Variants in BCKDHB observed in about 807,000 individuals in gnomAD.
The protein encoded by BCKDHB is 2-oxoisovalerate dehydrogenase subunit beta, mitochondrial.
A neutral mutation model predicts 48.5 loss-of-function variants in BCKDHB; 41 were observed. The ratio of observed to expected loss-of-function variants is 0.85; its 90% confidence interval spans 0.66 to 1.10. BCKDHB has a LOEUF of 1.10. Ranked by LOEUF, BCKDHB falls within the 50% of genes least tolerant of loss-of-function variation. The probability of loss-of-function intolerance (pLI) is 0.00; values close to 1 mark genes in which losing one functional copy is unlikely to be tolerated. For missense variants in BCKDHB, 496 were observed against 494.2 expected, an observed-to-expected ratio of 1.00 and a Z score of -0.03; for synonymous variants, 201 against 174.8, an observed-to-expected ratio of 1.15 and a Z score of -1.18.
At chr6:80,115,107 T>C (rs1769616956) in intron 1 of BCKDHB, among the ~76,000 whole-genome samples, 1 of 152,214 alleles carries the variant, frequency 6.6e-6, no homozygotes, top group Non-Finnish European at 1.5e-5. Flanking sequence ...ACTGGTACCT[T>C]ACAAAGGCAA....
chr6:80,408,490 C>CT, the BCKDHB span, among the ~76,000 whole-genome samples: 4 of 151,858 alleles, frequency 2.6e-5, no homozygotes, highest in African/African-American at 9.7e-5. Flanking sequence ...TGGTCCTGGA[C>CT]TTTTTTTGGT....
In BCKDHB at chr6:80,323,858, C is replaced by T. The variant is rs796524387; in HGVS notation, c.1039-19806C>T. Among the ~76,000 whole-genome samples the T allele has an allele frequency of 7.9e-5, 12 of 152,152 alleles. No homozygotes were observed. The East Asian group carries it at 1.6e-3, about 20-fold the overall frequency. On this transcript the variant is annotated intron_variant, in intron 9 of 9. Coordinates refer to ENST00000320393, the MANE Select transcript of BCKDHB (RefSeq NM_183050.4). ...CGCCATCTTGGCTCACTGCAAGCTC[C>T]GCCCCCCGGGTTCACGCCATTCTCC...
intron 6 of BCKDHB, among the ~76,000 whole-genome samples, chr6:80,187,524 C>T (rs1160010135): frequency 1.3e-5 from 2 of 151,952 alleles, no homozygotes; most frequent in African/African-American, 4.8e-5. Context: ...TCTAAAACTA[C>T]CAACAGAGTA....
intron 3 of BCKDHB, among the ~76,000 whole-genome samples, chr6:80,150,130 T>C (rs1193505321): frequency 1.3e-5 from 2 of 152,118 alleles, no homozygotes; most frequent in East Asian, 1.9e-4. Flanking sequence ...TTCCTTATGC[T>C]GCTCTGTCCC....
chr6:80,451,140 T>C, the BCKDHB span, among the ~76,000 whole-genome samples: 2 of 152,182 alleles, frequency 1.3e-5, no homozygotes, highest in Admixed American at 1.3e-4. Flanking sequence ...AAGTTTTCTT[T>C]CCCCGGTTTC....
At chr6:80,414,907 G>T in the BCKDHB span, among the ~76,000 whole-genome samples, 2 of 151,984 alleles carry the variant, frequency 1.3e-5, no homozygotes, top group South Asian at 4.2e-4. Context: ...TTTTTTCATT[G>T]GTTTGTGTCA....
At chr6:80,115,997 C>T (rs1006767742) in intron 1 of BCKDHB, among the ~76,000 whole-genome samples, 3 of 152,200 alleles carry the variant, frequency 2.0e-5, no homozygotes, top group Non-Finnish European at 4.4e-5. Context: ...CGTATTGGCA[C>T]AACCTTCACT....
rs1422130461 is a variant in BCKDHB at position 80,344,769 on chromosome 6, CAACCTTTATT to C, written c.*966_*975del. The C allele has an allele frequency of 1.3e-5, 2 of 152,150 alleles. No homozygotes were observed. The highest frequency in any genetic ancestry group is 2.9e-5 in the Non-Finnish European group (2 of 68,026). The allele number at this position is 152,150 out of a possible 1,614,324, so 9.4% of individuals were successfully genotyped here. The stretch of plus-strand genomic sequence containing the variant: ...GTACTTTATACCATTGTTTCAACTT[CAACCTTTATT>C]TTTGTATATATTTTTTCAGCTACTT... On this transcript the variant is annotated 3_prime_UTR_variant, in exon 10 of 10. Coordinates refer to ENST00000320393, the MANE Select transcript of BCKDHB (RefSeq NM_183050.4).
intron 9 of BCKDHB, among the ~76,000 whole-genome samples, chr6:80,282,245 C>T (rs1316036244): frequency 6.6e-6 from 1 of 152,014 alleles, no homozygotes; most frequent in Non-Finnish European, 1.5e-5. Flanking sequence ...AATGTAATAT[C>T]GTTTGTTACT....
At chr6:80,292,966 G>A (rs1239454932) in intron 9 of BCKDHB, among the ~76,000 whole-genome samples, 1 of 152,220 alleles carries the variant, frequency 6.6e-6, no homozygotes, top group Non-Finnish European at 1.5e-5. Context: ...AATGCAAGAG[G>A]TGGGTTCCCA....
At chr6:80,307,394 A>G in intron 9 of BCKDHB, 1 of 977,230 alleles carries the variant, frequency 1.0e-6, no homozygotes, top group Non-Finnish European at 1.2e-6. Context: ...ATATTCTAAA[A>G]TTGAACTGTA....
intron 9 of BCKDHB, among the ~76,000 whole-genome samples, chr6:80,339,226 A>C (rs1275752787): frequency 6.6e-6 from 1 of 152,220 alleles, no homozygotes; most frequent in African/African-American, 2.4e-5. Flanking sequence ...AACATATTAC[A>C]TTCATCAAAA....
At chr6:80,260,216 T>G (rs553412686) in intron 8 of BCKDHB, among the ~76,000 whole-genome samples, 202 of 151,872 alleles carry the variant, frequency 1.3e-3, no homozygotes, top group African/African-American at 4.8e-3. Context: ...ATGGTGGGTG[T>G]GTGTGTGTGT....
At chr6:80,275,493 T>C (rs907128643) in intron 9 of BCKDHB, among the ~76,000 whole-genome samples, 1 of 152,082 alleles carries the variant, frequency 6.6e-6, no homozygotes, top group Non-Finnish European at 1.5e-5. Context: ...TTTGGATTTA[T>C]TAATATGAGA....
At chr6:80,435,029 A>T in the BCKDHB span, among the ~76,000 whole-genome samples, 1 of 152,160 alleles carries the variant, frequency 6.6e-6, no homozygotes, top group African/African-American at 2.4e-5. Context: ...CTAATCTCGA[A>T]CTTAGAAAGA....
At chr6:80,324,025 G>C (rs1419897725) in intron 9 of BCKDHB, among the ~76,000 whole-genome samples, 4 of 152,102 alleles carry the variant, frequency 2.6e-5, no homozygotes, top group Non-Finnish European at 5.9e-5. Flanking sequence ...ACCTGCCTCG[G>C]CCTCCCAAAG....
intron 8 of BCKDHB, among the ~76,000 whole-genome samples, chr6:80,250,115 T>C (rs1326783197): frequency 6.6e-6 from 1 of 152,130 alleles, no homozygotes; most frequent in African/African-American, 2.4e-5. Flanking sequence ...CCTGTTTTAG[T>C]TGGCTCTCCT....
chr6:80,427,843 T>C, the BCKDHB span, among the ~76,000 whole-genome samples: 3 of 152,168 alleles, frequency 2.0e-5, no homozygotes, highest in South Asian at 6.2e-4. Context: ...TTTTTCCCTT[T>C]GTACATAATG....
chr6:80,119,004 A>G (rs920389546), intron 1 of BCKDHB, among the ~76,000 whole-genome samples: 3 of 152,138 alleles, frequency 2.0e-5, no homozygotes, highest in Non-Finnish European at 4.4e-5. Flanking sequence ...AAAGTCATCC[A>G]TGAGGCTGGG....
Sources: allele counts gnomAD v4.1 joint callset (sites outside exome capture counted in the v4.1 genomes callset), GRCh38; gene constraint gnomAD v4.1.1; transcripts MANE v1.5; gene names NCBI Gene and HGNC (gene_info 2026-07-23, HGNC 2026-07-21).